The following NFIL3 variants were observed in gnomAD, a reference collection of about 807,000 sequenced individuals.
NFIL3 encodes nuclear factor interleukin-3-regulated protein.
In NFIL3, 5 loss-of-function variants were observed where a neutral mutation model predicts 10.0. The ratio of observed to expected loss-of-function variants is 0.50; its 90% CI spans 0.26 to 1.06. NFIL3 has a LOEUF of 1.06. Ranked by LOEUF, NFIL3 falls within the 50% of genes least tolerant of loss-of-function variation. NFIL3 has a pLI of 0.13. For synonymous variants in NFIL3, 202 were observed against 206.5 expected (o/e 0.98, Z 0.19); for missense variants, 436 against 547.6 (o/e 0.80, Z 2.03).
chr9:91,412,340 G>A lies in NFIL3; in HGVS notation c.-172-1434C>T, dbSNP rs1299210273. Reference sequence around the variant, plus strand: ...GATGAAATACTTACACTACAAATTTGGCCTGACAGTTGCCTTAGCTCGAGA... The same window carrying A: ...GATGAAATACTTACACTACAAATTTAGCCTGACAGTTGCCTTAGCTCGAGA... On this transcript the variant is annotated intron_variant, in intron 1 of 1. Transcript: ENST00000297689. Among the ~76,000 whole-genome samples, 6 of 152,102 alleles carry A rather than the reference G, an allele frequency of 3.9e-5. No individual in the cohort carries two copies. The East Asian group carries it at 7.7e-4, about 20-fold the overall frequency.
intron 1 of NFIL3, among the ~76,000 whole-genome samples, chr9:91,412,285 T>C (rs771570654): frequency 1.5e-4 from 23 of 152,120 alleles, no homozygotes; most frequent in Non-Finnish European, 2.9e-4. Flanking sequence ...AACTCAAAAA[T>C]AGAATCATTC....
At chr9:91,432,703 G>C in the NFIL3 span, among the ~76,000 whole-genome samples, 3 of 152,096 alleles carry the variant, frequency 2.0e-5, no homozygotes, top group Non-Finnish European at 4.4e-5. Context: ...TGCAAAGGCA[G>C]AGCTGAAAAG....
intron 1 of NFIL3, among the ~76,000 whole-genome samples, chr9:91,421,537 G>A (rs888817189): frequency 2.0e-5 from 3 of 150,406 alleles, no homozygotes; most frequent in Admixed American, 1.3e-4. Flanking sequence ...CGAGGTCCCC[G>A]CCCGCCACTA....
At chr9:91,414,051 G>A (rs1270467089) in intron 1 of NFIL3, among the ~76,000 whole-genome samples, 5 of 152,096 alleles carry the variant, frequency 3.3e-5, no homozygotes, top group Non-Finnish European at 7.4e-5. Context: ...AATTGGGAAG[G>A]AGCCTTCACA....
the NFIL3 span, among the ~76,000 whole-genome samples, chr9:91,476,503 G>A: frequency 3.9e-5 from 6 of 152,044 alleles, no homozygotes; most frequent in Admixed American, 3.9e-4. Flanking sequence ...AACCTGGGAG[G>A]CGGAGGTTGC....
chr9:91,471,657 T>TC, the NFIL3 span, among the ~76,000 whole-genome samples: 1 of 152,136 alleles, frequency 6.6e-6, no homozygotes, highest in South Asian at 2.1e-4. Flanking sequence ...ATGCTATCCC[T>TC]CCCCCCAAGT....
the NFIL3 span, among the ~76,000 whole-genome samples, chr9:91,436,218 A>C: frequency 6.6e-6 from 1 of 152,222 alleles, no homozygotes; most frequent in Non-Finnish European, 1.5e-5. Flanking sequence ...CCACCTTCAC[A>C]GGCACTGCCC....
At chr9:91,430,148 G>A in the NFIL3 span, among the ~76,000 whole-genome samples, 2,201 of 152,238 alleles carry the variant, frequency 0.014, 31 homozygotes, top group Non-Finnish European at 0.019. Flanking sequence ...CTGTGCATGC[G>A]TATGTGTGTG....
At chr9:91,472,485 C>G in the NFIL3 span, among the ~76,000 whole-genome samples, 3 of 152,312 alleles carry the variant, frequency 2.0e-5, no homozygotes, top group South Asian at 2.1e-4. Flanking sequence ...CTTTCTTCCA[C>G]TTGATTGAAT....
chr9:91,434,383 T>C, the NFIL3 span, among the ~76,000 whole-genome samples: 1 of 152,218 alleles, frequency 6.6e-6, no homozygotes, highest in East Asian at 1.9e-4. Context: ...GCTAAGTGTC[T>C]ACTAACCAAG....
At chr9:91,415,638 T>TC in intron 1 of NFIL3, among the ~76,000 whole-genome samples, 1 of 151,976 alleles carries the variant, frequency 6.6e-6, no homozygotes, top group South Asian at 2.1e-4. Context: ...TTTTTTTTTT[T>TC]CTTTTTGAGA....
chr9:91,423,967 G>C (rs1453599215), upstream of NFIL3: 18 of 145,220 alleles, frequency 1.2e-4, no homozygotes, highest in African/African-American at 4.4e-4. Flanking sequence ...GGGCGGGCCG[G>C]GGCGGGCACT....
Position 91,409,558 on chromosome 9 carries a change from G to C in NFIL3, c.1177C>G (p.Leu393Val). ...VQVTNIQDWS[L>V]KSEHWHQKEL... ...TTTTGATGCCAGTGCTCCGATTTGAGAGACCAATCTTGAATGTTAGTCACT... is the reference window on the plus strand; with the variant it reads ...TTTTGATGCCAGTGCTCCGATTTGACAGACCAATCTTGAATGTTAGTCACT... Residue 393 changes from leucine (L) to valine (V), a missense_variant, in exon 2 of 2, where the codon CTC becomes GTC. Physicochemically the swap from Leu to Val is conservative, Grantham distance 32. Coordinates refer to ENST00000297689, the MANE Select transcript of NFIL3 (RefSeq NM_005384.3). The C allele has an allele frequency of 6.2e-7, 1 of 1,614,046 alleles. No homozygotes were observed.
At chr9:91,457,249 CA>C in the NFIL3 span, among the ~76,000 whole-genome samples, 111 of 150,530 alleles carry the variant, frequency 7.4e-4, no homozygotes, top group African/African-American at 2.3e-3. Flanking sequence ...CAGTTTTTGT[CA>C]AAAAAAAACT....
At chr9:91,426,740 A>G (rs1038190036), upstream of NFIL3, 5 of 152,208 alleles carry the variant, frequency 3.3e-5, no homozygotes, top group African/African-American at 1.2e-4. Flanking sequence ...GAATGACTAA[A>G]ACAGTGACTT....
intron 1 of NFIL3, among the ~76,000 whole-genome samples, chr9:91,422,880 G>A (rs2482708): frequency 0.13 from 19,223 of 152,164 alleles, 1,442 homozygotes; most frequent in Middle Eastern, 0.17. Context: ...ACGTAATATA[G>A]ACGTAAATAA....
chr9:91,444,264 T>A, the NFIL3 span, among the ~76,000 whole-genome samples: 1 of 152,234 alleles, frequency 6.6e-6, no homozygotes, highest in Non-Finnish European at 1.5e-5. Context: ...ATTCTAAGAT[T>A]TATGTGTGGT....
At chr9:91,469,120 G>A in the NFIL3 span, among the ~76,000 whole-genome samples, 1 of 152,112 alleles carries the variant, frequency 6.6e-6, no homozygotes, top group Non-Finnish European at 1.5e-5. Flanking sequence ...AAATTACCTT[G>A]GGCAGTATGG....
chr9:91,410,565 G>C lies in NFIL3; in HGVS notation c.170C>G (p.Ser57Cys). ...LSEGSVGKNK[S>C]SACRRKREFI... The stretch of plus-strand genomic sequence containing the variant: ...TTCCCGTTTCCTCCGACATGCAGAA[G>C]ATTTGTTCTTCCCCACACTTCCTTC... The change falls in exon 2 of 2, where the codon TCT becomes TGT. Residue 57 changes from serine to cysteine, a missense_variant. This residue lies in a region of NFIL3 where 76 missense variants were observed against 73.0 expected (regional missense o/e 1.04). Coordinates refer to ENST00000297689, the MANE Select transcript of NFIL3 (RefSeq NM_005384.3). This position sits in a 1 kb window ranked among gnomAD's most constrained non-coding sequence, Gnocchi z 5.7. 6.2e-7 allele frequency: 1 copy of C among 1,614,174 alleles called. No individual in the cohort carries two copies. The highest frequency in any genetic ancestry group is 8.5e-7 in the Non-Finnish European group (1 of 1,180,040).
Sources: gnomAD v4.1 joint callset for allele counts (sites outside exome capture counted in the v4.1 genomes callset) on GRCh38, gnomAD v4.1.1 for gene constraint, gnomAD v4.1.1 regional missense constraint, Gnocchi (gnomAD v3.1) non-coding constraint, MANE v1.5 for transcripts, NCBI Gene and HGNC (gene_info 2026-07-23, HGNC 2026-07-21) for gene names.